RPIA: variants seen among roughly 807,000 people sequenced by gnomAD.
RPIA encodes ribose 5-phosphate isomerase A.
In RPIA, 29 loss-of-function variants were observed where a neutral mutation model predicts 37.8. That is an observed-to-expected ratio of 0.77 (90% CI 0.57 to 1.05). The LOEUF (loss-of-function observed/expected upper bound fraction) is 1.05. Among genes scored for constraint, RPIA ranks in the 50% least tolerant of loss-of-function variants. The probability of loss-of-function intolerance (pLI) is 0.00; values close to 1 mark genes in which losing one functional copy is unlikely to be tolerated. For missense variants in RPIA, 385 were observed against 413.6 expected, an observed-to-expected ratio of 0.93 and a Z score of 0.60; for synonymous variants, 167 against 157.0, an observed-to-expected ratio of 1.06 and a Z score of -0.48.
At chr2:88,699,136 G>GGGCA (rs1175595674) in intron 2 of RPIA, among the ~76,000 whole-genome samples, 1 of 152,218 alleles carries the variant, frequency 6.6e-6, no homozygotes, top group Non-Finnish European at 1.5e-5. Context: ...AGGTGCCAAG[G>GGGCA]GGCAGAGCCC....
chr2:88,714,214 A>T (rs1444971947), intron 3 of RPIA, among the ~76,000 whole-genome samples: 5 of 151,626 alleles, frequency 3.3e-5, no homozygotes, highest in African/African-American at 1.2e-4. Context: ...TCTGTCGCCC[A>T]GGATGGAGTG....
intron 8 of RPIA, among the ~76,000 whole-genome samples, chr2:88,739,809 G>T (rs1173413803): frequency 6.6e-6 from 1 of 152,092 alleles, no homozygotes; most frequent in Non-Finnish European, 1.5e-5. Flanking sequence ...ATAGAAACGG[G>T]GTTTCACGAT....
intron 8 of RPIA, among the ~76,000 whole-genome samples, chr2:88,747,686 T>C (rs1041220414): frequency 1.3e-5 from 2 of 152,216 alleles, no homozygotes; most frequent in African/African-American, 2.4e-5. Flanking sequence ...CTCAGCTCTC[T>C]AAATCCATTT....
At chr2:88,735,339 C>T (rs1236919833) in intron 5 of RPIA, among the ~76,000 whole-genome samples, 1 of 152,142 alleles carries the variant, frequency 6.6e-6, no homozygotes, top group Non-Finnish European at 1.5e-5. Flanking sequence ...AGCGTGCCCT[C>T]CTCAGCTTCT....
At chr2:88,737,524 G>A (rs1348434289) in intron 7 of RPIA, among the ~76,000 whole-genome samples, 1 of 152,176 alleles carries the variant, frequency 6.6e-6, no homozygotes, top group Non-Finnish European at 1.5e-5. Context: ...TTATTTGAAA[G>A]CCACATTGCT....
At chr2:88,702,813 A>G (rs952783205) in intron 3 of RPIA, among the ~76,000 whole-genome samples, 2 of 152,204 alleles carry the variant, frequency 1.3e-5, no homozygotes, top group African/African-American at 4.8e-5. Flanking sequence ...CATTAACTCA[A>G]AAGTCCACAG....
At chr2:88,724,727 C>T (rs907323929) in intron 3 of RPIA, among the ~76,000 whole-genome samples, 2 of 152,060 alleles carry the variant, frequency 1.3e-5, no homozygotes, top group African/African-American at 4.8e-5. Flanking sequence ...TGGATTTGCT[C>T]TTTAAAATTA....
At position 88,750,897 on chromosome 2, in the gene RPIA, G is replaced by A. The variant is rs1295043124; in HGVS notation, c.*819G>A. The A allele has an allele frequency of 2.5e-6, 1 of 394,362 alleles. No homozygotes were observed. The highest frequency in any genetic ancestry group is 2.1e-5 in the African/African-American group (1 of 48,438). The allele number at this position is 394,362 out of a possible 1,614,324, so 24.4% of individuals were successfully genotyped here. The stretch of plus-strand genomic sequence containing the variant: ...TCAGAAGTCCTTACCTCTTTATATT[G>A]TTTGCAGGTTTAAATAAAACAGTGT... On this transcript the variant is annotated 3_prime_UTR_variant, in exon 9 of 9. Transcript: ENST00000283646.
intron 4 of RPIA, among the ~76,000 whole-genome samples, chr2:88,733,214 AC>A (rs1673268241): frequency 6.6e-6 from 1 of 152,182 alleles, no homozygotes; most frequent in South Asian, 2.1e-4. Flanking sequence ...GCAAATGGAC[AC>A]TGCTCGGACT....
intron 1 of RPIA, among the ~76,000 whole-genome samples, chr2:88,695,236 G>A (rs1008318901): frequency 1.3e-5 from 2 of 152,180 alleles, no homozygotes; most frequent in Non-Finnish European, 2.9e-5. Flanking sequence ...CCCAAAGAGA[G>A]TGTTGTGGAA....
At chr2:88,728,103 C>T (rs918551642) in intron 3 of RPIA, among the ~76,000 whole-genome samples, 1 of 152,164 alleles carries the variant, frequency 6.6e-6, no homozygotes, top group Non-Finnish European at 1.5e-5. Flanking sequence ...ATATGTCTCT[C>T]TGGAAAATGG....
chr2:88,726,831 C>T (rs1268974232), intron 3 of RPIA, among the ~76,000 whole-genome samples: 1 of 152,146 alleles, frequency 6.6e-6, no homozygotes, highest in Non-Finnish European at 1.5e-5. Context: ...CACCCTCCAC[C>T]TCCTGGTCTC....
At chr2:88,720,719 A>T (rs940505949) in intron 3 of RPIA, among the ~76,000 whole-genome samples, 3 of 151,992 alleles carry the variant, frequency 2.0e-5, no homozygotes, top group Admixed American at 6.6e-5. Context: ...GAAACAACAG[A>T]TGCTGGAGAG....
intron 3 of RPIA, among the ~76,000 whole-genome samples, chr2:88,716,943 A>G (rs1338887502): frequency 6.6e-6 from 1 of 152,212 alleles, no homozygotes; most frequent in African/African-American, 2.4e-5. Flanking sequence ...TCAGCAAAGT[A>G]TGGACAGCCA....
chr2:88,725,924 T>A (rs1333552621), intron 3 of RPIA, among the ~76,000 whole-genome samples: 1 of 152,130 alleles, frequency 6.6e-6, no homozygotes, highest in Non-Finnish European at 1.5e-5. Flanking sequence ...GATCTTGAAG[T>A]CATTGTACAG....
chr2:88,704,527 A>G (rs1672874994), intron 3 of RPIA, among the ~76,000 whole-genome samples: 1 of 152,196 alleles, frequency 6.6e-6, no homozygotes, highest in South Asian at 2.1e-4. Flanking sequence ...TGCCCTCATG[A>G]TTCAATTGTC....
At chr2:88,718,694 T>C (rs1384170148) in intron 3 of RPIA, among the ~76,000 whole-genome samples, 2 of 152,220 alleles carry the variant, frequency 1.3e-5, no homozygotes, top group South Asian at 2.1e-4. Flanking sequence ...CCAGTTTCTT[T>C]AATTGTGCCC....
At chr2:88,721,112 A>G (rs1207926789) in intron 3 of RPIA, among the ~76,000 whole-genome samples, 2 of 152,130 alleles carry the variant, frequency 1.3e-5, no homozygotes, top group Admixed American at 1.3e-4. Context: ...AACTAACACA[A>G]GAACAGAAAA....
At chr2:88,709,282 T>TG (rs1435079676) in intron 3 of RPIA, among the ~76,000 whole-genome samples, 1 of 152,248 alleles carries the variant, frequency 6.6e-6, no homozygotes, top group Non-Finnish European at 1.5e-5. Flanking sequence ...ATGACTCTTC[T>TG]GCAAGGAAAT....
Sources: gnomAD v4.1 joint callset for allele counts (sites outside exome capture counted in the v4.1 genomes callset) on GRCh38, gnomAD v4.1.1 for gene constraint, MANE v1.5 for transcripts, NCBI Gene and HGNC (gene_info 2026-07-23, HGNC 2026-07-21) for gene names.